CNOT1: variants seen among roughly 807,000 people sequenced by gnomAD.
CNOT1 encodes the protein CCR4-associated factor 1.
A neutral mutation model predicts 273.8 loss-of-function variants in CNOT1; 15 were observed. The ratio of observed to expected loss-of-function variants is 0.05; its 90% CI spans 0.04 to 0.08. The LOEUF (loss-of-function observed/expected upper bound fraction) is 0.08. Among genes scored for constraint, CNOT1 ranks in the 10% least tolerant of loss-of-function variants. The pLI is 1.00. For synonymous variants in CNOT1, 1,022 were observed against 1,005.5 expected (o/e 1.02, Z -0.31); for missense variants, 1,644 against 2,912.2 (o/e 0.56, Z 10.02).
At chr16:58,597,878 T>C (rs1253860024) in intron 2 of CNOT1, 1 of 313,892 alleles carries the variant, frequency 3.2e-6, no homozygotes, top group Non-Finnish European at 6.1e-6. Context: ...TGGACAGAAG[T>C]AGGTGGCAGC....
intron 24 of CNOT1, 68 bp downstream of exon 24, chr16:58,551,064 C>G: frequency 1.3e-6 from 2 of 1,570,648 alleles, no homozygotes; most frequent in African/African-American, 2.8e-5. Flanking sequence ...TGTAAAAGGG[C>G]CAACTATACA....
At chr16:58,531,667 G>C (rs1329071322) in intron 42 of CNOT1, among the ~76,000 whole-genome samples, 6 of 151,332 alleles carry the variant, frequency 4.0e-5, no homozygotes, top group African/African-American at 1.5e-4. Context: ...TGTATATAAA[G>C]AAGCAAAACA....
intron 2 of CNOT1, among the ~76,000 whole-genome samples, chr16:58,597,266 G>T (rs74465367): frequency 0.011 from 1,697 of 152,086 alleles, 35 homozygotes; most frequent in African/African-American, 0.04. Context: ...CTGAGGTCAG[G>T]AGTTCGAGAC....
chr16:58,524,143 G>A (rs997876639), intron 46 of CNOT1, among the ~76,000 whole-genome samples: 2 of 151,664 alleles, frequency 1.3e-5, no homozygotes, highest in Admixed American at 1.3e-4. Context: ...CCAGCTCCTC[G>A]GGAGGCTGAG....
intron 34 of CNOT1, 57 bp from the exon 35 acceptor site, chr16:58,540,016 T>C: frequency 6.5e-7 from 1 of 1,538,156 alleles, no homozygotes; most frequent in Non-Finnish European, 8.8e-7. Context: ...GGTTTTTTAT[T>C]GACACATGTA....
intron 13 of CNOT1, among the ~76,000 whole-genome samples, chr16:58,576,793 A>G (rs1380630610): frequency 2.6e-5 from 4 of 152,330 alleles, no homozygotes; most frequent in Non-Finnish European, 5.9e-5. Context: ...GCCTGTTCCT[A>G]AACTTGGGTC....
chr16:58,622,634 G>T (rs2043394085), intron 1 of CNOT1, among the ~76,000 whole-genome samples: 1 of 151,866 alleles, frequency 6.6e-6, no homozygotes, highest in African/African-American at 2.4e-5. Flanking sequence ...ATCACCTGAG[G>T]TCAGGAGTTT....
intron 22 of CNOT1, 96 bp from the exon 23 acceptor site, chr16:58,551,915 G>T: frequency 6.6e-7 from 1 of 1,504,506 alleles, no homozygotes; most frequent in Non-Finnish European, 9.0e-7. Context: ...ATGTCTGAGT[G>T]CTCTTTTGGT....
At chr16:58,584,600 G>A (rs2041773163) in intron 8 of CNOT1, among the ~76,000 whole-genome samples, 1 of 152,076 alleles carries the variant, frequency 6.6e-6, no homozygotes, top group African/African-American at 2.4e-5. Context: ...CCAAAGTGCT[G>A]GGATTACAGG....
At chr16:58,521,358 T>C (rs1567381298) in intron 47 of CNOT1, 41 bp from the exon 48 acceptor site, 1 of 1,554,026 alleles carries the variant, frequency 6.4e-7, no homozygotes, top group Admixed American at 2.1e-5. Context: ...TATAGAAGCA[T>C]ACAAATTCAT....
At chr16:58,624,476 T>C (rs554163038) in intron 1 of CNOT1, among the ~76,000 whole-genome samples, 82 of 152,332 alleles carry the variant, frequency 5.4e-4, no homozygotes, top group Admixed American at 1.6e-3. Context: ...ATTAAAGATA[T>C]AAATGCATTT....
At chr16:58,537,299 A>ATTTTTTTT in intron 38 of CNOT1, 79 bp from the exon 39 acceptor site, 1 of 1,503,764 alleles carries the variant, frequency 6.6e-7, no homozygotes, top group East Asian at 2.3e-5. Context: ...TAGTTTGCTT[A>ATTTTTTTT]TTTAACAGCA....
intron 46 of CNOT1, among the ~76,000 whole-genome samples, chr16:58,524,764 T>C (rs367971868): frequency 3.3e-5 from 5 of 152,266 alleles, no homozygotes; most frequent in East Asian, 3.9e-4. Flanking sequence ...TGTGAGCTTT[T>C]TGCAGAACAG....
chr16:58,578,548 A>G, intron 13 of CNOT1, 151 bp downstream of exon 13: 2 of 1,334,748 alleles, frequency 1.5e-6, no homozygotes, highest in Non-Finnish European at 1.9e-6. Context: ...CATGATTCTA[A>G]AAGATAAAAC....
intron 13 of CNOT1, among the ~76,000 whole-genome samples, chr16:58,578,073 C>T (rs77426403): frequency 0.015 from 2,273 of 152,172 alleles, 45 homozygotes; most frequent in African/African-American, 0.052. Flanking sequence ...ACATCAATAC[C>T]TTCTGCCTCC....
intron 31 of CNOT1, among the ~76,000 whole-genome samples, 181 bp from the exon 32 acceptor site, chr16:58,542,749 C>T (rs1158629976): frequency 6.6e-6 from 1 of 152,134 alleles, no homozygotes; most frequent in Non-Finnish European, 1.5e-5. Flanking sequence ...ACTTTTAAGA[C>T]AAAAATATCC....
intron 10 of CNOT1, among the ~76,000 whole-genome samples, chr16:58,582,353 T>A (rs2041686948): frequency 6.6e-6 from 1 of 152,130 alleles, no homozygotes; most frequent in Non-Finnish European, 1.5e-5. Flanking sequence ...ACGCTTGTAA[T>A]CCCAACGCTT....
rs560890381 is a variant in CNOT1, at chr16:58,595,911, C to T, written c.102+3325G>A. ...GGAAAGATACTTTTGAAGAAAGTTACGGAGAATAAAAAAGTGTAAAAAGGA... is the reference window on the plus strand; with the variant it reads ...GGAAAGATACTTTTGAAGAAAGTTATGGAGAATAAAAAAGTGTAAAAAGGA... On this transcript the variant is annotated intron_variant, in intron 2 of 48. Transcript: ENST00000317147. Among the ~76,000 whole-genome samples the T allele has an allele frequency of 2.4e-4, 37 of 152,172 alleles. No individual in the cohort carries two copies. The South Asian group carries it at 6.0e-3, about 25-fold the overall frequency.
Position 58,588,775 on chromosome 16 carries a change from A to G in CNOT1, c.210+24T>C, listed in dbSNP as rs764338140. On this transcript the variant is annotated intron_variant, in intron 3 of 48. Transcript: ENST00000317147. ...ATTTAACAATTACAGCTAAGTGGAC[A>G]TGAACTCTGTAAGCCCCAAATACCT... The G allele has an allele frequency of 3.7e-6, 6 of 1,609,452 alleles. 1 individual carries two copies. The highest frequency in any genetic ancestry group is 3.3e-5 in the South Asian group (3 of 90,198).
Sources: allele counts gnomAD v4.1 joint callset (sites outside exome capture counted in the v4.1 genomes callset), GRCh38; gene constraint gnomAD v4.1.1; transcripts MANE v1.5; gene names NCBI Gene and HGNC (gene_info 2026-07-23, HGNC 2026-07-21).